TCF7L2: variants seen among roughly 807,000 people sequenced by gnomAD.
TCF7L2 encodes the protein transcription factor 7-like 2.
TCF7L2 carries 23 observed loss-of-function variants against 77.9 expected under a neutral mutation model. The observed-to-expected ratio is 0.30, with a 90% CI of 0.21 to 0.42. TCF7L2 has a LOEUF of 0.42. Among genes scored for constraint, TCF7L2 ranks in the 10% least tolerant of loss-of-function variants. The pLI, the probability that TCF7L2 is intolerant of heterozygous loss-of-function variation, is 1.00. For synonymous variants in TCF7L2, 413 were observed against 340.2 expected, an observed-to-expected ratio of 1.21 and a Z score of -2.36; for missense variants, 654 against 793.1, an observed-to-expected ratio of 0.82 and a Z score of 2.11.
At chr10:113,017,091 A>C (rs1282130925) in intron 4 of TCF7L2, among the ~76,000 whole-genome samples, 2 of 152,186 alleles carry the variant, frequency 1.3e-5, no homozygotes, top group Non-Finnish European at 2.9e-5. Context: ...TGTCTCCTAT[A>C]AACATGGAAC....
intron 7 of TCF7L2, among the ~76,000 whole-genome samples, 164 bp downstream of exon 7, chr10:113,144,189 G>C (rs1564957293): frequency 6.6e-6 from 1 of 151,768 alleles, no homozygotes; most frequent in Non-Finnish European, 1.5e-5. Context: ...GGAGGGCACA[G>C]AAAAGGTGTT....
intron 4 of TCF7L2, among the ~76,000 whole-genome samples, chr10:112,982,435 G>A (rs1238363083): frequency 1.3e-5 from 2 of 152,038 alleles, no homozygotes; most frequent in African/African-American, 4.8e-5. Flanking sequence ...TTCCCAGTGG[G>A]GTGTTTCTGG....
intron 4 of TCF7L2, among the ~76,000 whole-genome samples, chr10:113,000,323 A>G (rs774123228): frequency 2.1e-4 from 32 of 151,582 alleles, no homozygotes; most frequent in Middle Eastern, 3.4e-3. Context: ...ACCCAGGTGC[A>G]TGGTAGTGAA....
intron 4 of TCF7L2, among the ~76,000 whole-genome samples, chr10:112,970,201 T>C (rs1327543789): frequency 2.6e-5 from 4 of 152,120 alleles, no homozygotes; most frequent in Non-Finnish European, 5.9e-5. Flanking sequence ...TGCGCGCTTG[T>C]GCGTCCACAC....
chr10:113,021,241 G>A (rs759114570), intron 4 of TCF7L2, among the ~76,000 whole-genome samples: 14 of 152,110 alleles, frequency 9.2e-5, no homozygotes, highest in Admixed American at 1.3e-4. Flanking sequence ...AAACTCATCC[G>A]GAAAATGGGT....
At chr10:113,111,489 C>T (rs1444585085) in intron 5 of TCF7L2, among the ~76,000 whole-genome samples, 2 of 152,174 alleles carry the variant, frequency 1.3e-5, no homozygotes, top group African/African-American at 2.4e-5. Flanking sequence ...TCCTCATTTT[C>T]ATTTGCTGAA....
intron 5 of TCF7L2, among the ~76,000 whole-genome samples, chr10:113,109,119 G>A (rs764618948): frequency 3.9e-5 from 6 of 152,128 alleles, no homozygotes; most frequent in South Asian, 2.1e-4. Context: ...AGAAAGGAGC[G>A]TATTTCCAGC....
chr10:113,155,897 G>C (rs2071769782), intron 11 of TCF7L2, among the ~76,000 whole-genome samples: 1 of 152,146 alleles, frequency 6.6e-6, no homozygotes, highest in African/African-American at 2.4e-5. Context: ...CCTTTTAAAA[G>C]AAATTGTACA....
rs972340737 is a variant in TCF7L2, at chr10:113,008,953, T to C, written c.451-31072T>C. ...CATCTTTTTTGTTTTGTTTTGTTTT[T>C]GTTTTTGAGACTGAGTCTTGCTCTG... On this transcript the variant is annotated intron_variant, in intron 4 of 13. Coordinates refer to ENST00000627217, the MANE Select transcript of TCF7L2 (RefSeq NM_001146274.2). 2.8e-4 allele frequency among the ~76,000 whole-genome samples: 43 copies of C among 152,210 alleles called. 1 individual carries two copies. Among genetic ancestry groups the C allele is most frequent in the Non-Finnish European group, 7.3e-5 (5 of 68,040 alleles).
At chr10:113,126,527 T>G in intron 5 of TCF7L2, 4 of 975,502 alleles carry the variant, frequency 4.1e-6, no homozygotes, top group Non-Finnish European at 4.9e-6. Flanking sequence ...AATGCCGGGG[T>G]TTGGGGGAAA....
chr10:113,103,815 T>C (rs1316925969), intron 5 of TCF7L2, among the ~76,000 whole-genome samples: 3 of 152,132 alleles, frequency 2.0e-5, no homozygotes, highest in Admixed American at 1.3e-4. Context: ...TGGGCTACAC[T>C]AGGAGGAGAA....
At chr10:113,121,322 T>G (rs1364925518) in intron 5 of TCF7L2, among the ~76,000 whole-genome samples, 1 of 152,230 alleles carries the variant, frequency 6.6e-6, no homozygotes, top group African/African-American at 2.4e-5. Context: ...TGGCTCCCTG[T>G]GGCTGACTTT....
intron 5 of TCF7L2, among the ~76,000 whole-genome samples, chr10:113,045,581 A>C (rs773865977): frequency 6.6e-6 from 1 of 152,034 alleles, no homozygotes; most frequent in African/African-American, 2.4e-5. Context: ...ACATGCATCA[A>C]GGTGGCCAGA....
At chr10:112,957,318 G>A (rs1261738333) in intron 3 of TCF7L2, among the ~76,000 whole-genome samples, 1 of 150,782 alleles carries the variant, frequency 6.6e-6, no homozygotes, top group Non-Finnish European at 1.5e-5. Context: ...CTGAGTGGAA[G>A]GGAAAATGTA....
In TCF7L2 at chr10:113,165,736, C is replaced by T. The variant is rs765140709; in HGVS notation, c.1573C>T (p.Pro525Ser). 6.2e-7 allele frequency: 1 copy of T among 1,612,926 alleles called. No individual in the cohort carries two copies. Among genetic ancestry groups the T allele is most frequent in the South Asian group, 1.1e-5 (1 of 90,896 alleles). Residue 525 changes from proline to serine, a missense_variant, in exon 14 of 14, where the codon CCC (proline) becomes TCC (serine). By Grantham distance (74) the Pro-to-Ser change is moderately conservative. Coordinates refer to ENST00000627217, the MANE Select transcript of TCF7L2 (RefSeq NM_001146274.2). ...TCTGTCGCTGTCCCTGAAGCCCGAC[C>T]CCCTGGCCCACCTGTCCATGATGCC...
intron 5 of TCF7L2, among the ~76,000 whole-genome samples, chr10:113,114,642 G>A (rs1199959782): frequency 6.6e-6 from 1 of 152,114 alleles, no homozygotes; most frequent in Non-Finnish European, 1.5e-5. Flanking sequence ...ATACTGTGAG[G>A]ATTTCTTTAG....
At position 113,165,697 on chromosome 10, in the gene TCF7L2, G is replaced by A. The variant is rs777266430; in HGVS notation, c.1534G>A (p.Glu512Lys). Reference sequence around the variant, plus strand: ...TCCCCGAGACGCCAAGTCACAGACTGAGCAGACCCAGCCTCTGTCGCTGTC... The same window carrying A: ...TCCCCGAGACGCCAAGTCACAGACTAAGCAGACCCAGCCTCTGTCGCTGTC... Residue 512 changes from glutamate (E) to lysine (K), a missense_variant, in exon 14 of 14, where the codon GAG becomes AAG. By Grantham distance (56) the Glu-to-Lys change is moderately conservative. This residue lies in a region of TCF7L2 where 272 missense variants were observed against 215.4 expected (regional missense o/e 1.26). Coordinates refer to ENST00000627217, the MANE Select transcript of TCF7L2 (RefSeq NM_001146274.2). 6.2e-6 allele frequency: 10 copies of A among 1,607,882 alleles called. No individual in the cohort carries two copies. The highest frequency in any genetic ancestry group is 1.1e-5 in the South Asian group (1 of 90,726).
intron 4 of TCF7L2, among the ~76,000 whole-genome samples, chr10:113,035,694 G>A (rs570395553): frequency 1.3e-5 from 2 of 152,314 alleles, no homozygotes; most frequent in East Asian, 3.9e-4. Flanking sequence ...GCTGCATCCA[G>A]CACTTTTATT....
chr10:113,006,587 G>A (rs2045594971), intron 4 of TCF7L2, among the ~76,000 whole-genome samples: 1 of 152,194 alleles, frequency 6.6e-6, no homozygotes, highest in Non-Finnish European at 1.5e-5. Flanking sequence ...TGGCATCTCA[G>A]AGGCTCTTCC....
Sources: gnomAD v4.1 joint callset for allele counts (sites outside exome capture counted in the v4.1 genomes callset) on GRCh38, gnomAD v4.1.1 for gene constraint, gnomAD v4.1.1 regional missense constraint, MANE v1.5 for transcripts, NCBI Gene and HGNC (gene_info 2026-07-23, HGNC 2026-07-21) for gene names.